The following PCBP2 variants were observed in gnomAD, a reference collection of about 807,000 sequenced individuals.
PCBP2 encodes poly(rC)-binding protein 2.
A neutral mutation model predicts 50.1 loss-of-function variants in PCBP2; 4 were observed. That is an observed-to-expected ratio of 0.08 (90% CI 0.04 to 0.18). PCBP2 has a LOEUF of 0.18. Among genes scored for constraint, PCBP2 ranks in the 10% least tolerant of loss-of-function variants. The probability of loss-of-function intolerance (pLI) is 1.00; values close to 1 mark genes in which losing one functional copy is unlikely to be tolerated. For missense variants in PCBP2, 161 were observed against 474.3 expected (o/e 0.34, Z 6.14); for synonymous variants, 179 against 168.0 (o/e 1.07, Z -0.51).
intron 13 of PCBP2, among the ~76,000 whole-genome samples, chr12:53,469,628 A>G (rs1258871072): frequency 1.3e-5 from 2 of 152,162 alleles, no homozygotes; most frequent in Non-Finnish European, 2.9e-5. Context: ...TGGGAGGCTA[A>G]GGTAGGAGAA....
At chr12:53,463,676 A>G (rs1205206283) in intron 8 of PCBP2, among the ~76,000 whole-genome samples, 1 of 152,216 alleles carries the variant, frequency 6.6e-6, no homozygotes, top group African/African-American at 2.4e-5. Context: ...TCTCCCACCA[A>G]TAACGTAGGG....
At chr12:53,464,629 C>A in intron 8 of PCBP2, 131 bp from the exon 9 acceptor site, 1 of 1,281,296 alleles carries the variant, frequency 7.8e-7, no homozygotes, top group Non-Finnish European at 1.1e-6. Flanking sequence ...CAGCTCGTTT[C>A]AAATTGTGTC....
intron 10 of PCBP2, among the ~76,000 whole-genome samples, chr12:53,466,750 G>T (rs1592664001): frequency 6.6e-6 from 1 of 152,216 alleles, no homozygotes; most frequent in South Asian, 2.1e-4. Flanking sequence ...ACTAAACCCA[G>T]TATGGTTTCT....
Position 53,462,582 on chromosome 12 carries a change from A to T in PCBP2, c.579+15A>T, listed in dbSNP as rs533617725. The T allele has an allele frequency of 8.3e-5, 132 of 1,593,342 alleles. No individual in the cohort carries two copies. The South Asian group carries it at 1.4e-3, about 17-fold the overall frequency. ...CAGGTGGTCAGGTAAGAAAATTCTC[A>T]TTTGTGGGCTAGAATGAACAGAGAT... On this transcript the variant is annotated intron_variant, in intron 8 of 14. Coordinates refer to ENST00000546463, the MANE Select transcript of PCBP2 (RefSeq NM_031989.5).
chr12:53,478,871 A>AT (rs35546014), intron 14 of PCBP2, among the ~76,000 whole-genome samples: 17,996 of 147,986 alleles, frequency 0.12, 1,206 homozygotes, highest in Non-Finnish European at 0.16. Context: ...TCTTTTTAAC[A>AT]TTTTTTTTTT....
intron 1 of PCBP2, chr12:53,452,808 C>G (rs921907396): frequency 9.2e-5 from 14 of 152,108 alleles, no homozygotes; most frequent in Non-Finnish European, 1.5e-4. Flanking sequence ...GCAGCGCCCC[C>G]CCCCGACCGA....
chr12:53,460,926 TA>T, intron 6 of PCBP2, 88 bp from the exon 7 acceptor site: 2 of 1,387,794 alleles, frequency 1.4e-6, no homozygotes, highest in Non-Finnish European at 2.0e-6. Context: ...AAATATCTAC[TA>T]GAGTTTTAGG....
At chr12:53,472,913 G>A (rs796280731) in intron 14 of PCBP2, among the ~76,000 whole-genome samples, 42 of 152,148 alleles carry the variant, frequency 2.8e-4, no homozygotes, top group African/African-American at 8.9e-4. Context: ...AGCACACTAG[G>A]TCCTTAATGT....
At chr12:53,471,327 C>T (rs1207704496) in intron 13 of PCBP2, among the ~76,000 whole-genome samples, 2 of 149,678 alleles carry the variant, frequency 1.3e-5, no homozygotes, top group Non-Finnish European at 3.0e-5. Flanking sequence ...TACCTGTAAT[C>T]CCAGCACTTT....
At chr12:53,475,460 G>T in intron 14 of PCBP2, 2 of 271,600 alleles carry the variant, frequency 7.4e-6, no homozygotes, top group South Asian at 3.5e-5. Flanking sequence ...CTTCTTTCTT[G>T]TTTGTTACTT....
rs1941940845 is a variant in PCBP2, at chr12:53,468,069, G to T, written c.826+226G>T. Reference sequence around the variant, plus strand: ...CAGCCATAGCTGAGATCAGGACTAAGCTTGAGTGTTAGCCAGCTGGCCTGG... The same window carrying T: ...CAGCCATAGCTGAGATCAGGACTAATCTTGAGTGTTAGCCAGCTGGCCTGG... On this transcript the variant is annotated intron_variant, in intron 12 of 14. Transcript: ENST00000546463. The T allele has an allele frequency of 5.6e-6, 3 of 532,192 alleles. No homozygotes were observed. The South Asian group carries it at 8.4e-5, about 15-fold the overall frequency. 33.0% of individuals were successfully genotyped at this position (532,192 alleles called of 1,614,324 possible).
At chr12:53,468,500 C>T (rs1941974501) in intron 12 of PCBP2, 2 of 473,934 alleles carry the variant, frequency 4.2e-6, no homozygotes, top group African/African-American at 4.0e-5. Flanking sequence ...TACCACACTC[C>T]CTTGCCCTTG....
At chr12:53,455,309 G>C (rs1303135913) in intron 2 of PCBP2, 38 bp from the exon 3 acceptor site, 4 of 1,588,854 alleles carry the variant, frequency 2.5e-6, no homozygotes, top group African/African-American at 2.7e-5. Flanking sequence ...GAATACTTCT[G>C]AGTTTCCTCT....
chr12:53,461,675 T>A (rs980585329), intron 7 of PCBP2, among the ~76,000 whole-genome samples: 1 of 152,162 alleles, frequency 6.6e-6, no homozygotes, highest in Non-Finnish European at 1.5e-5. Flanking sequence ...ATTTGTGATA[T>A]GGAGTTGGTT....
At chr12:53,459,176 A>G in intron 5 of PCBP2, 96 bp from the exon 6 acceptor site, 5 of 1,089,818 alleles carry the variant, frequency 4.6e-6, no homozygotes, top group Non-Finnish European at 6.3e-6. Flanking sequence ...CGCATGTCCT[A>G]ATAAGATCAC....
intron 13 of PCBP2, 103 bp downstream of exon 13, chr12:53,468,935 TTA>T: frequency 3.3e-6 from 3 of 906,414 alleles, no homozygotes; most frequent in Non-Finnish European, 1.7e-6. Context: ...TTTTTTTTTT[TTA>T]AACAGCCCAG....
chr12:53,456,493 G>GT (rs1263690541), intron 5 of PCBP2, among the ~76,000 whole-genome samples: 1 of 150,912 alleles, frequency 6.6e-6, no homozygotes, highest in South Asian at 2.1e-4. Flanking sequence ...CATCAAAACA[G>GT]TTTGAGTTTT....
At chr12:53,477,447 C>T (rs1216772111) in intron 14 of PCBP2, among the ~76,000 whole-genome samples, 7 of 151,900 alleles carry the variant, frequency 4.6e-5, no homozygotes, top group African/African-American at 7.3e-5. Context: ...GGGTGGATCA[C>T]GAGGTCAGGA....
chr12:53,474,311 T>G (rs566712919), intron 14 of PCBP2, among the ~76,000 whole-genome samples: 1 of 152,362 alleles, frequency 6.6e-6, no homozygotes, highest in African/African-American at 2.4e-5. Context: ...TTGAAATTAG[T>G]CAGTGACCTA....
Sources: gnomAD v4.1 joint callset for allele counts (sites outside exome capture counted in the v4.1 genomes callset) on GRCh38, gnomAD v4.1.1 for gene constraint, MANE v1.5 for transcripts, NCBI Gene and HGNC (gene_info 2026-07-23, HGNC 2026-07-21) for gene names.